SNTG1: variants seen among roughly 807,000 people sequenced by gnomAD.
The protein encoded by SNTG1 is gamma-1-syntrophin.
A neutral mutation model predicts 74.7 loss-of-function variants in SNTG1; 39 were observed. The ratio of observed to expected loss-of-function variants is 0.52; its 90% CI spans 0.40 to 0.68. The LOEUF (loss-of-function observed/expected upper bound fraction) is 0.68, where lower values mean the gene tolerates loss of function less well. SNTG1 is among the 30% of genes least tolerant of loss of function. The pLI, the probability that SNTG1 is intolerant of heterozygous loss-of-function variation, is 0.00. For missense variants in SNTG1, 685 were observed against 609.5 expected, an observed-to-expected ratio of 1.12 and a Z score of -1.30; for synonymous variants, 254 against 217.1, an observed-to-expected ratio of 1.17 and a Z score of -1.49.
At chr8:50,559,999 G>A (rs564644271) in intron 12 of SNTG1, among the ~76,000 whole-genome samples, 22 of 152,074 alleles carry the variant, frequency 1.4e-4, no homozygotes, top group African/African-American at 4.1e-4. Flanking sequence ...AATATCTGGC[G>A]TCTACAAGTA....
chr8:50,015,309 G>T (rs1215033068), intron 1 of SNTG1, among the ~76,000 whole-genome samples: 2 of 151,872 alleles, frequency 1.3e-5, no homozygotes, highest in African/African-American at 4.8e-5. Context: ...GAGAGAATCA[G>T]GTAACTTGAT....
chr8:50,548,969 A>G (rs1347701636), intron 11 of SNTG1, among the ~76,000 whole-genome samples: 2 of 152,112 alleles, frequency 1.3e-5, no homozygotes, highest in Non-Finnish European at 2.9e-5. Context: ...AGAGAGTTTC[A>G]CGGTGTTAAC....
At chr8:50,704,119 T>C (rs1355857537) in intron 15 of SNTG1, among the ~76,000 whole-genome samples, 1 of 152,196 alleles carries the variant, frequency 6.6e-6, no homozygotes, top group African/African-American at 2.4e-5. Context: ...ATGCGTTTTT[T>C]TTTAAGCAAT....
chr8:49,952,275 A>C (rs1173279746), intron 1 of SNTG1, among the ~76,000 whole-genome samples: 1 of 152,198 alleles, frequency 6.6e-6, no homozygotes, highest in East Asian at 1.9e-4. Context: ...GATTATGAGA[A>C]GTGTTGTAAA....
chr8:49,981,497 A>G (rs1354829795), intron 1 of SNTG1, among the ~76,000 whole-genome samples: 1 of 152,156 alleles, frequency 6.6e-6, no homozygotes, highest in East Asian at 1.9e-4. Flanking sequence ...TATTGTTTGT[A>G]AGGGCATTAT....
intron 8 of SNTG1, among the ~76,000 whole-genome samples, chr8:50,467,303 C>A (rs1353398671): frequency 1.3e-5 from 2 of 151,820 alleles, no homozygotes; most frequent in African/African-American, 4.8e-5. Context: ...TTCGTGCTTT[C>A]TTTTTGTAAT....
intron 18 of SNTG1, among the ~76,000 whole-genome samples, chr8:50,777,933 A>T (rs527659736): frequency 6.6e-6 from 1 of 151,722 alleles, no homozygotes; most frequent in Non-Finnish European, 1.5e-5. Context: ...ATTCCCACCT[A>T]TGAGTGAGAA....
At chr8:50,000,588 T>G (rs564664297) in intron 1 of SNTG1, among the ~76,000 whole-genome samples, 2 of 152,302 alleles carry the variant, frequency 1.3e-5, no homozygotes, top group South Asian at 4.1e-4. Context: ...AAAGCTTGCC[T>G]GTAGTGCAAA....
intron 1 of SNTG1, among the ~76,000 whole-genome samples, chr8:49,966,198 TG>T (rs1811120916): frequency 6.6e-6 from 1 of 152,158 alleles, no homozygotes; most frequent in Admixed American, 6.6e-5. Flanking sequence ...TTTGAAGCTT[TG>T]GTAAAGTTGC....
At chr8:50,419,401 C>G (rs1030858875) in intron 4 of SNTG1, among the ~76,000 whole-genome samples, 1 of 152,156 alleles carries the variant, frequency 6.6e-6, no homozygotes, top group African/African-American at 2.4e-5. Context: ...TTAGGGAAAT[C>G]ATAAATGGGA....
At chr8:50,555,195 A>G (rs1346567614) in intron 12 of SNTG1, among the ~76,000 whole-genome samples, 6 of 152,070 alleles carry the variant, frequency 3.9e-5, no homozygotes, top group Non-Finnish European at 1.5e-5. Flanking sequence ...CCCCTATACT[A>G]CTGTTTTAAC....
intron 18 of SNTG1, among the ~76,000 whole-genome samples, chr8:50,791,899 C>G (rs1413908357): frequency 1.3e-5 from 2 of 151,600 alleles, no homozygotes; most frequent in Non-Finnish European, 3.0e-5. Context: ...GTATTCTGAG[C>G]ATAGCTTTAA....
intron 18 of SNTG1, among the ~76,000 whole-genome samples, chr8:50,754,487 T>A (rs1452062100): frequency 1.3e-5 from 2 of 151,896 alleles, no homozygotes; most frequent in Non-Finnish European, 2.9e-5. Flanking sequence ...CCATGTATGT[T>A]ATATCCTCTT....
chr8:50,532,385 A>T (rs551703350), intron 10 of SNTG1, among the ~76,000 whole-genome samples: 1 of 152,348 alleles, frequency 6.6e-6, no homozygotes, highest in South Asian at 2.1e-4. Context: ...TTAACACAAA[A>T]AAATTAAGAT....
intron 13 of SNTG1, among the ~76,000 whole-genome samples, chr8:50,656,212 A>C (rs1275968556): frequency 2.0e-5 from 3 of 152,182 alleles, no homozygotes; most frequent in Non-Finnish European, 4.4e-5. Flanking sequence ...CTTATTTGTT[A>C]AGTGTTTGTG....
intron 1 of SNTG1, among the ~76,000 whole-genome samples, chr8:50,129,535 A>C (rs369335575): frequency 6.6e-6 from 1 of 152,196 alleles, no homozygotes; most frequent in South Asian, 2.1e-4. Context: ...ACAAGCTACT[A>C]TGGGTAACAA....
At chr8:50,601,620 A>T (rs549514542) in intron 13 of SNTG1, among the ~76,000 whole-genome samples, 1 of 152,328 alleles carries the variant, frequency 6.6e-6, no homozygotes, top group East Asian at 1.9e-4. Context: ...AATATTCTGT[A>T]AATATTTATT....
intron 4 of SNTG1, among the ~76,000 whole-genome samples, chr8:50,416,892 T>C (rs893035256): frequency 2.8e-4 from 43 of 152,132 alleles, no homozygotes; most frequent in African/African-American, 8.4e-4. Flanking sequence ...TTCTGTTCTA[T>C]CCATAGCTTA....
intron 1 of SNTG1, among the ~76,000 whole-genome samples, chr8:49,959,901 A>G (rs1165635873): frequency 6.6e-6 from 1 of 152,218 alleles, no homozygotes; most frequent in African/African-American, 2.4e-5. Context: ...TTAAGGTAAA[A>G]TGGATGAGGA....
Sources: allele counts gnomAD v4.1 joint callset (sites outside exome capture counted in the v4.1 genomes callset), GRCh38; gene constraint gnomAD v4.1.1; transcripts MANE v1.5; gene names NCBI Gene and HGNC (gene_info 2026-07-23, HGNC 2026-07-21).